Variants in ANAPC13 observed in about 807,000 individuals in gnomAD.
The protein encoded by ANAPC13 is anaphase-promoting complex subunit 13.
In ANAPC13, 9 loss-of-function variants were observed where a neutral mutation model predicts 9.6. The observed-to-expected ratio is 0.94, with a 90% CI of 0.57 to 1.64. The LOEUF (loss-of-function observed/expected upper bound fraction) is 1.64. Ranked by LOEUF, ANAPC13 falls within the 40% of genes most tolerant of loss-of-function variation. ANAPC13 has a pLI of 0.00. For missense variants in ANAPC13, 75 were observed against 85.3 expected (o/e 0.88, Z 0.48); for synonymous variants, 30 against 29.7 (o/e 1.01, Z -0.03).
rs1934652564 is a variant in ANAPC13, at chr3:134,478,134, T to G, written c.*456A>C. On this transcript the variant is annotated 3_prime_UTR_variant, in exon 3 of 3. Coordinates refer to ENST00000354910, the MANE Select transcript of ANAPC13 (RefSeq NM_015391.4). ...GTAACCAGGGAATGGGATATTTGCA[T>G]ATCACAACATCTACAGGCTAAATAC... The G allele has an allele frequency of 1.3e-5, 2 of 152,896 alleles. No individual in the cohort carries two copies. The highest frequency in any genetic ancestry group is 2.9e-5 in the Non-Finnish European group (2 of 68,536). The allele number at this position is 152,896 out of a possible 1,614,324, so 9.5% of individuals were successfully genotyped here. A position where few individuals can be genotyped will look rare whatever the true frequency, so the allele number is the denominator to read the frequency against.
chr3:134,481,557 C>A (rs531190047), intron 2 of ANAPC13, among the ~76,000 whole-genome samples: 1 of 152,182 alleles, frequency 6.6e-6, no homozygotes, highest in Non-Finnish European at 1.5e-5. Context: ...TTTATGCCCC[C>A]ACCTAGAATA....
At position 134,478,656 on chromosome 3, in the gene ANAPC13, T is replaced by C. The variant is rs145332961; in HGVS notation, c.159A>G (p.Gln53=). ...AGGCTAAGTCTGTCCACTTCATTTC[T>C]TGTTCTTTGACAGATTCTGTGGTGC... ...NGGTTESVKE[Q]EMKWTDLALQ... The change falls in exon 3 of 3, where the codon CAA becomes CAG. Residue 53 remains glutamine (Q), a synonymous_variant. Coordinates refer to ENST00000354910, the MANE Select transcript of ANAPC13 (RefSeq NM_015391.4). 897 of 1,614,180 alleles carry C rather than the reference T, an allele frequency of 5.6e-4. 6 individuals are homozygous for C. In the African/African-American group the frequency reaches 0.011, roughly 19 times the overall value.
chr3:134,482,679 A>G, intron 2 of ANAPC13, 127 bp downstream of exon 2: 1 of 812,120 alleles, frequency 1.2e-6, no homozygotes, highest in Middle Eastern at 2.3e-4. Flanking sequence ...AGAAGCTTCT[A>G]GAGTTAGAGA....
At position 134,478,619 on chromosome 3, in the gene ANAPC13, G is replaced by T. The variant is rs780666302; in HGVS notation, c.196C>A (p.His66Asn). The change falls in exon 3 of 3, where the codon CAT (histidine) becomes AAT (asparagine). Residue 66 changes from histidine to asparagine, a missense_variant. Transcript: ENST00000354910. ...TTTCCAATGGGGGGAACATTCTCAT[G>T]GAGGTACTGTAAGGCTAAGTCTGTC... is the stretch of plus-strand genomic sequence containing the variant. ...KWTDLALQYL[H>N]ENVPPIGN 2.5e-6 allele frequency: 4 copies of T among 1,614,070 alleles called. No homozygotes were observed. The highest frequency in any genetic ancestry group is 2.7e-5 in the African/African-American group (2 of 75,040).
intron 2 of ANAPC13, among the ~76,000 whole-genome samples, chr3:134,479,809 G>A (rs906835204): frequency 9.9e-5 from 15 of 152,160 alleles, no homozygotes; most frequent in African/African-American, 3.6e-4. Context: ...GGTAAGTCAT[G>A]GGCCACACTT....
chr3:134,480,929 C>T (rs939073831), intron 2 of ANAPC13, among the ~76,000 whole-genome samples: 16 of 152,196 alleles, frequency 1.1e-4, no homozygotes, highest in Non-Finnish European at 1.8e-4. Flanking sequence ...GCCTTAGAAT[C>T]GCAAGACAAG....
intron 2 of ANAPC13, 141 bp from the exon 3 acceptor site, chr3:134,478,856 T>A: frequency 1.1e-6 from 1 of 911,748 alleles, no homozygotes; most frequent in Non-Finnish European, 1.6e-6. Context: ...GCTAAAATCA[T>A]ACACGTGAGG....
At chr3:134,483,397 C>T (rs1329707986) in intron 1 of ANAPC13, 1 of 155,862 alleles carries the variant, frequency 6.4e-6, no homozygotes, top group African/African-American at 2.4e-5. Context: ...GCTTCCTTCC[C>T]TAAAATAGTA....
chr3:134,481,313 T>C (rs1374551763), intron 2 of ANAPC13, among the ~76,000 whole-genome samples: 1 of 152,198 alleles, frequency 6.6e-6, no homozygotes, highest in East Asian at 1.9e-4. Context: ...AAGCCCAACT[T>C]TTCAGCCTAC....
chr3:134,478,566 C>T lies in ANAPC13; in HGVS notation c.*24G>A, dbSNP rs1384358930. 1 of 1,605,840 alleles carries T rather than the reference C, an allele frequency of 6.2e-7. No homozygotes were observed. The highest frequency in any genetic ancestry group is 1.1e-5 in the South Asian group (1 of 89,802). On this transcript the variant is annotated 3_prime_UTR_variant, in exon 3 of 3. Coordinates refer to ENST00000354910, the MANE Select transcript of ANAPC13 (RefSeq NM_015391.4). ...TTTATCTGTGTACTTTGAGAAAATC[C>T]ATCCACAAGAAAGGAGCCAAGCGTC...
intron 1 of ANAPC13, chr3:134,485,414 C>T (rs2107713122): frequency 6.6e-6 from 1 of 152,366 alleles, no homozygotes; most frequent in East Asian, 1.9e-4. Context: ...CAGGTCGCTT[C>T]CTATAGGAGG....
rs923361476 is a variant in ANAPC13 at position 134,483,064 on chromosome 3, G to A, written c.-27-133C>T. Reference sequence around the variant, plus strand: ...GTTCATTTTCTCATATGGGCCGGGTGACTACTTTGATCACAGTTCCTCTCT... The same window carrying A: ...GTTCATTTTCTCATATGGGCCGGGTAACTACTTTGATCACAGTTCCTCTCT... On this transcript the variant is annotated intron_variant, in intron 1 of 2. Coordinates refer to ENST00000354910, the MANE Select transcript of ANAPC13 (RefSeq NM_015391.4). The A allele has an allele frequency of 2.3e-5, 15 of 640,356 alleles. 1 individual carries two copies. Among genetic ancestry groups the A allele is most frequent in the Admixed American group, 1.1e-4 (4 of 36,856 alleles). The allele number at this position is 640,356 out of a possible 1,614,324, so 39.7% of individuals were successfully genotyped here.
chr3:134,482,943 A>G lies in ANAPC13; in HGVS notation c.-27-12T>C, dbSNP rs373896965. On this transcript the variant is annotated splice_polypyrimidine_tract_variant and intron_variant, in intron 1 of 2. Coordinates refer to ENST00000354910, the MANE Select transcript of ANAPC13 (RefSeq NM_015391.4). ...TGATCTTGTCAAATCTGTAAGCCAA[A>G]GAGGTTATTTCTTAAACACGAAGAC... 2 of 1,531,462 alleles carry G rather than the reference A, an allele frequency of 1.3e-6. No homozygotes were observed. Among genetic ancestry groups the G allele is most frequent in the Admixed American group, 3.3e-5 (2 of 59,900 alleles). 94.9% of individuals were successfully genotyped at this position (1,531,462 alleles called of 1,614,324 possible).
At chr3:134,479,576 C>T (rs143717320) in intron 2 of ANAPC13, among the ~76,000 whole-genome samples, 2,935 of 152,082 alleles carry the variant, frequency 0.019, 88 homozygotes, top group African/African-American at 0.065. Flanking sequence ...CTCGAACTCC[C>T]AACCTCAGGT....
At chr3:134,478,998 C>G (rs1233651700) in intron 2 of ANAPC13, among the ~76,000 whole-genome samples, 1 of 152,216 alleles carries the variant, frequency 6.6e-6, no homozygotes, top group Non-Finnish European at 1.5e-5. Context: ...TGGAAGCCAA[C>G]TAGGATCCAA....
At chr3:134,483,623 C>A (rs996587575) in intron 1 of ANAPC13, among the ~76,000 whole-genome samples, 1 of 152,206 alleles carries the variant, frequency 6.6e-6, no homozygotes, top group Admixed American at 6.5e-5. Flanking sequence ...CCATTTTTCT[C>A]TGAAACTGCT....
At chr3:134,478,759 A>T in intron 2 of ANAPC13, 44 bp from the exon 3 acceptor site, 1 of 1,606,652 alleles carries the variant, frequency 6.2e-7, no homozygotes, top group East Asian at 2.2e-5. Context: ...TATATTCTGC[A>T]TCTTCTTGGA....
upstream of ANAPC13, chr3:134,485,991 G>GCCCCCCCCCCCCCCCCCC (rs5852785): frequency 2.4e-6 from 2 of 846,592 alleles, no homozygotes; most frequent in Admixed American, 6.3e-5. Context: ...CTCCTGCCAC[G>GCCCCCCCCCCCCCCCCCC]CCCCCCCCCC....
intron 1 of ANAPC13, chr3:134,483,324 C>T (rs1394021411): frequency 5.9e-6 from 1 of 169,744 alleles, no homozygotes; most frequent in Non-Finnish European, 1.3e-5. Context: ...CCTTTCTAGC[C>T]CCTGGCTCAA....
Sources: allele counts gnomAD v4.1 joint callset (sites outside exome capture counted in the v4.1 genomes callset), GRCh38; gene constraint gnomAD v4.1.1; transcripts MANE v1.5; gene names NCBI Gene and HGNC (gene_info 2026-07-23, HGNC 2026-07-21).